The following ZNF532 variants were observed in gnomAD, a reference collection of about 807,000 sequenced individuals.
ZNF532 encodes zinc finger protein 532.
ZNF532 carries 22 observed loss-of-function variants against 89.3 expected under a neutral mutation model. The observed-to-expected ratio is 0.25, with a 90% CI of 0.18 to 0.35. ZNF532 has a LOEUF of 0.35. Ranked by LOEUF, ZNF532 falls within the 10% of genes least tolerant of loss-of-function variation. ZNF532 has a pLI of 1.00. For synonymous variants in ZNF532, 606 were observed against 649.6 expected, an observed-to-expected ratio of 0.93 and a Z score of 1.02; for missense variants, 1,132 against 1,643.4, an observed-to-expected ratio of 0.69 and a Z score of 5.38.
chr18:58,951,711 G>A (rs1482895951), intron 6 of ZNF532, among the ~76,000 whole-genome samples: 1 of 144,742 alleles, frequency 6.9e-6, no homozygotes, highest in Non-Finnish European at 1.5e-5. Context: ...GTGCAGTGGG[G>A]AGATCTCTGC....
At chr18:58,940,853 G>T (rs1432831657) in intron 5 of ZNF532, among the ~76,000 whole-genome samples, 2 of 138,478 alleles carry the variant, frequency 1.4e-5, no homozygotes, top group African/African-American at 5.4e-5. Context: ...CAAATCTGTT[G>T]CTGTGTTTTT....
In ZNF532 at chr18:58,985,063, C is replaced by G. The variant is rs900739799; in HGVS notation, c.*597C>G. Reference sequence around the variant, plus strand: ...ACGTGCCTTTGTCTTCAGGCCATGCCGAAGGGTGTTTAAAGCAGTCTTGCA... The same window carrying G: ...ACGTGCCTTTGTCTTCAGGCCATGCGGAAGGGTGTTTAAAGCAGTCTTGCA... On this transcript the variant is annotated 3_prime_UTR_variant, in exon 10 of 10. Coordinates refer to ENST00000591808, the MANE Select transcript of ZNF532 (RefSeq NM_001375912.1). 6.6e-6 allele frequency: 1 copy of G among 152,320 alleles called. No homozygotes were observed. The highest frequency in any genetic ancestry group is 1.5e-5 in the Non-Finnish European group (1 of 68,328). The allele number at this position is 152,320 out of a possible 1,614,324, so 9.4% of individuals were successfully genotyped here. A position where few individuals can be genotyped will look rare whatever the true frequency, so the allele number is the denominator to read the frequency against.
intron 3 of ZNF532, among the ~76,000 whole-genome samples, chr18:58,929,091 C>T (rs552778480): frequency 3.9e-5 from 6 of 152,156 alleles, no homozygotes; most frequent in Non-Finnish European, 8.8e-5. Context: ...ATTGAAAAAA[C>T]AAATGCCCAA....
Position 58,873,573 on chromosome 18 carries a change from C to T in ZNF532, c.-18+7994C>T, listed in dbSNP as rs538147133. ...AAGCAGTTCTCCTGCCTCAGCCTCCCAAATAGCTGGTATTAAAGGCGCCTG... is the reference window on the plus strand; with the variant it reads ...AAGCAGTTCTCCTGCCTCAGCCTCCTAAATAGCTGGTATTAAAGGCGCCTG... On this transcript the variant is annotated intron_variant, in intron 2 of 9. Coordinates refer to ENST00000591808, the MANE Select transcript of ZNF532 (RefSeq NM_001375912.1). Among the ~76,000 whole-genome samples the T allele has an allele frequency of 6.6e-5, 10 of 152,160 alleles. No homozygotes were observed. The East Asian group carries it at 1.9e-3, about 29-fold the overall frequency.
rs71336311 is a variant in ZNF532 at position 58,958,065 on chromosome 18, C to CAAAA, written c.3150+4281_3150+4284dup. Among the ~76,000 whole-genome samples the CAAAA allele has an allele frequency of 2.6e-3, 329 of 124,584 alleles. 3 individuals are homozygous for CAAAA. Among genetic ancestry groups the CAAAA allele is most frequent in the Admixed American group, 0.014 (177 of 12,312 alleles). The allele number at this position is 124,584 out of a possible 152,430, so 81.7% of individuals were successfully genotyped here. On this transcript the variant is annotated intron_variant, in intron 7 of 9. Transcript: ENST00000591808. ...TAGGCAACAGAGCAAGACAATGTGT[C>CAAAA]AAAAAAAAAAAAAAAAAATACAAAA... is the stretch of plus-strand genomic sequence containing the variant.
At chr18:58,982,001 CAAA>C (rs60019659) in intron 9 of ZNF532, among the ~76,000 whole-genome samples, 3 of 83,296 alleles carry the variant, frequency 3.6e-5, no homozygotes, top group African/African-American at 8.6e-5. Context: ...GAGACTCTCC[CAAA>C]AAAAAAAAAA....
At position 58,903,484 on chromosome 18, in the gene ZNF532, G is replaced by A. The variant is rs1055061620; in HGVS notation, c.-17-14787G>A. 2.6e-5 allele frequency among the ~76,000 whole-genome samples: 4 copies of A among 151,880 alleles called. No individual in the cohort carries two copies. In the South Asian group the frequency reaches 8.3e-4, roughly 32 times the overall value. On this transcript the variant is annotated intron_variant, in intron 2 of 9. Transcript: ENST00000591808. ...ATCTGGAAATTCTGAACAAGAGGCT[G>A]GAGACAGGGAGAACAGAGCATTGGT... is the stretch of plus-strand genomic sequence containing the variant.
chr18:58,953,855 C>G (rs2064474752), intron 7 of ZNF532, 56 bp downstream of exon 7: 1 of 1,542,612 alleles, frequency 6.5e-7, no homozygotes, highest in African/African-American at 1.4e-5. Context: ...ACTGGACTGG[C>G]AAGCTTCCAA....
At chr18:58,942,337 C>CCTT (rs2063220491) in intron 5 of ZNF532, among the ~76,000 whole-genome samples, 16 of 63,414 alleles carry the variant, frequency 2.5e-4, no homozygotes, top group South Asian at 1.8e-3. Context: ...CTCCCTCCCT[C>CCTT]CCTCCCTCCC....
intron 5 of ZNF532, among the ~76,000 whole-genome samples, chr18:58,945,777 G>C (rs964928037): frequency 1.2e-4 from 18 of 151,250 alleles, no homozygotes; most frequent in Non-Finnish European, 2.1e-4. Context: ...CACCAGGCTA[G>C]AGTGCAGCAG....
At chr18:58,878,983 T>C (rs2144853457) in intron 2 of ZNF532, among the ~76,000 whole-genome samples, 1 of 152,348 alleles carries the variant, frequency 6.6e-6, no homozygotes, top group East Asian at 1.9e-4. Context: ...TTTTAAATAC[T>C]AGTGGACATC....
At chr18:58,876,899 C>G (rs1023431485) in intron 2 of ZNF532, among the ~76,000 whole-genome samples, 24 of 151,994 alleles carry the variant, frequency 1.6e-4, no homozygotes, top group Non-Finnish European at 3.4e-4. Flanking sequence ...CCCGTCTCTA[C>G]AAGAAATAAA....
intron 7 of ZNF532, among the ~76,000 whole-genome samples, chr18:58,956,572 A>G (rs1017234953): frequency 6.6e-6 from 1 of 152,086 alleles, no homozygotes; most frequent in African/African-American, 2.4e-5. Flanking sequence ...AAGTCACCCA[A>G]ACTTCAAAGC....
intron 2 of ZNF532, chr18:58,916,719 TC>T: frequency 3.0e-6 from 3 of 985,448 alleles, no homozygotes. Flanking sequence ...TTTGGATGTG[TC>T]CCCAGAGTGA....
intron 2 of ZNF532, among the ~76,000 whole-genome samples, chr18:58,866,099 T>C (rs2056432260): frequency 6.6e-6 from 1 of 152,156 alleles, no homozygotes; most frequent in Non-Finnish European, 1.5e-5. Context: ...CTTTTATTGA[T>C]TTTGGGGGCT....
At chr18:58,915,252 C>A (rs549078671) in intron 2 of ZNF532, among the ~76,000 whole-genome samples, 1 of 152,338 alleles carries the variant, frequency 6.6e-6, no homozygotes, top group Admixed American at 6.5e-5. Flanking sequence ...GGCCACTGCA[C>A]TCAGAAATGC....
At chr18:58,963,604 TG>T (rs1342141683) in intron 7 of ZNF532, among the ~76,000 whole-genome samples, 1 of 6,140 alleles carries the variant, frequency 1.6e-4, no homozygotes, top group African/African-American at 1.4e-3. Flanking sequence ...AAGAAAAAAA[TG>T]TGTGTGTGTG....
intron 7 of ZNF532, among the ~76,000 whole-genome samples, chr18:58,975,745 A>C (rs2066978581): frequency 1.3e-5 from 2 of 152,236 alleles, no homozygotes; most frequent in African/African-American, 4.8e-5. Context: ...AAAAAGTTTT[A>C]TGTTAAAAAC....
Position 58,867,745 on chromosome 18 carries a change from A to G in ZNF532, c.-18+2166A>G, listed in dbSNP as rs1379728861. Among the ~76,000 whole-genome samples, 4 of 152,228 alleles carry G rather than the reference A, an allele frequency of 2.6e-5. No homozygotes were observed. The East Asian group carries it at 5.8e-4, about 22-fold the overall frequency. ...GGAGAGCACACTGGAAAGAAAGTGT[A>G]ACTGGGTGTTGAACCCTTCTTGTTT... On this transcript the variant is annotated intron_variant, in intron 2 of 9. Transcript: ENST00000591808.
Sources: gnomAD v4.1 joint callset for allele counts (sites outside exome capture counted in the v4.1 genomes callset) on GRCh38, gnomAD v4.1.1 for gene constraint, MANE v1.5 for transcripts, NCBI Gene and HGNC (gene_info 2026-07-23, HGNC 2026-07-21) for gene names.